The following ITPR2 variants were observed in gnomAD, a reference collection of about 807,000 sequenced individuals.
The protein encoded by ITPR2 is inositol 1,4,5-trisphosphate-gated calcium channel ITPR2.
Under a neutral mutation model 317.1 loss-of-function variants are expected in ITPR2, and 207 were observed. The ratio of observed to expected loss-of-function variants is 0.65; its 90% CI spans 0.58 to 0.73. ITPR2 has a LOEUF of 0.73. Ranked by LOEUF, ITPR2 falls within the 30% of genes least tolerant of loss-of-function variation. The pLI is 0.00. For synonymous variants in ITPR2, 1,156 were observed against 1,149.1 expected (o/e 1.01, Z -0.12); for missense variants, 2,613 against 3,284.0 (o/e 0.80, Z 4.99).
intron 32 of ITPR2, among the ~76,000 whole-genome samples, chr12:26,588,360 A>C (rs776218865): frequency 2.6e-5 from 4 of 152,168 alleles, no homozygotes; most frequent in Non-Finnish European, 5.9e-5. Context: ...TGGCAAATAG[A>C]GTGGAATTGA....
At chr12:26,494,777 A>G (rs1006754933) in intron 38 of ITPR2, among the ~76,000 whole-genome samples, 1 of 149,838 alleles carries the variant, frequency 6.7e-6, no homozygotes, top group Admixed American at 6.6e-5. Flanking sequence ...CTCAGAAAAA[A>G]AAAAAAAAAA....
At chr12:26,517,972 G>A (rs944820731) in intron 37 of ITPR2, among the ~76,000 whole-genome samples, 1 of 152,216 alleles carries the variant, frequency 6.6e-6, no homozygotes. Context: ...AGATTTCTCA[G>A]AGAACTTAAA....
chr12:26,582,901 A>G (rs976119880), intron 32 of ITPR2, among the ~76,000 whole-genome samples: 4 of 152,200 alleles, frequency 2.6e-5, no homozygotes, highest in Admixed American at 6.5e-5. Context: ...ACAGAGTGGA[A>G]GAGAAAGAAG....
intron 54 of ITPR2, 39 bp from the exon 55 acceptor site, chr12:26,387,633 T>C: frequency 6.3e-7 from 1 of 1,585,708 alleles, no homozygotes; most frequent in Non-Finnish European, 8.6e-7. Flanking sequence ...TAATTCGTCA[T>C]TTAATCAGTA....
At chr12:26,775,776 T>C (rs1369051300) in intron 2 of ITPR2, among the ~76,000 whole-genome samples, 1 of 151,676 alleles carries the variant, frequency 6.6e-6, no homozygotes, top group African/African-American at 2.4e-5. Context: ...AGCTTACATC[T>C]TTCTCCTGTG....
chr12:26,483,929 T>C (rs955478624), intron 41 of ITPR2, 31 bp from the exon 42 acceptor site: 1 of 1,575,732 alleles, frequency 6.3e-7, no homozygotes, highest in Non-Finnish European at 8.7e-7. Flanking sequence ...AATTGAAGGG[T>C]TACAAAAATT....
intron 1 of ITPR2, among the ~76,000 whole-genome samples, chr12:26,824,789 A>C (rs916226581): frequency 2.0e-5 from 3 of 152,194 alleles, no homozygotes; most frequent in Non-Finnish European, 2.9e-5. Flanking sequence ...TCTATTTTCC[A>C]TATATATTGT....
intron 37 of ITPR2, among the ~76,000 whole-genome samples, chr12:26,513,748 T>TCA (rs3056894): frequency 0.1 from 14,949 of 149,310 alleles, 900 homozygotes; most frequent in African/African-American, 0.17. Context: ...TTGCCAATTA[T>TCA]CACACACACA....
At chr12:26,446,078 T>A (rs976724695) in intron 45 of ITPR2, among the ~76,000 whole-genome samples, 1 of 152,046 alleles carries the variant, frequency 6.6e-6, no homozygotes. Context: ...GACAAGTTCT[T>A]TTCTGGTTAC....
intron 45 of ITPR2, among the ~76,000 whole-genome samples, chr12:26,456,847 A>C (rs1321731932): frequency 6.6e-6 from 1 of 151,814 alleles, no homozygotes; most frequent in Non-Finnish European, 1.5e-5. Context: ...TAATTTTTGT[A>C]TTTTTTACTA....
intron 26 of ITPR2, among the ~76,000 whole-genome samples, chr12:26,616,763 T>C (rs754929999): frequency 2.6e-5 from 4 of 152,138 alleles, no homozygotes; most frequent in South Asian, 4.1e-4. Flanking sequence ...GCAGGTCCAC[T>C]TATACACAGA....
In ITPR2 at chr12:26,602,465, GCA is replaced by G. The variant is rs758165954; in HGVS notation, c.3581_3582del (p.Val1194AlafsTer3). ...EILIRLSKLC[V>X]QNKKCRNQHQ... The stretch of plus-strand genomic sequence containing the variant: ...TGTTGATTCCGACACTTTTTATTCT[GCA>G]CACAGAGTTTACTTAGCCTGATCAA... On this transcript the variant is annotated frameshift_variant, in exon 28 of 57. Coordinates refer to ENST00000381340, the MANE Select transcript of ITPR2 (RefSeq NM_002223.4). LOFTEE classifies it high-confidence loss of function. 3 of 1,613,270 alleles carry G rather than the reference GCA, an allele frequency of 1.9e-6. No homozygotes were observed. The highest frequency in any genetic ancestry group is 2.5e-6 in the Non-Finnish European group (3 of 1,179,492).
intron 2 of ITPR2, among the ~76,000 whole-genome samples, chr12:26,733,457 A>G (rs1426461987): frequency 2.4e-4 from 37 of 152,208 alleles, no homozygotes; most frequent in Admixed American, 2.2e-3. Flanking sequence ...CAAGATACAT[A>G]TACATATGTG....
At chr12:26,531,641 T>C (rs1376781889) in intron 37 of ITPR2, among the ~76,000 whole-genome samples, 1 of 137,332 alleles carries the variant, frequency 7.3e-6, no homozygotes, top group South Asian at 2.6e-4. Flanking sequence ...CTAAGCTTCA[T>C]GTTTACTGTA....
At chr12:26,623,481 T>C (rs1027491872) in intron 24 of ITPR2, 5 of 152,190 alleles carry the variant, frequency 3.3e-5, no homozygotes, top group Non-Finnish European at 7.3e-5. Context: ...TGTTTTATTA[T>C]TAGTTATGTT....
intron 5 of ITPR2, among the ~76,000 whole-genome samples, chr12:26,716,741 A>G (rs1948745984): frequency 6.6e-6 from 1 of 152,196 alleles, no homozygotes. Context: ...TTCTAATGTC[A>G]GCTCGATTCA....
Position 26,656,467 on chromosome 12 carries a change from T to C in ITPR2, c.2274A>G (p.Val758=). 3.1e-6 allele frequency: 5 copies of C among 1,614,240 alleles called. No homozygotes were observed. The highest frequency in any genetic ancestry group is 4.2e-6 in the Non-Finnish European group (5 of 1,180,040). The change falls in exon 19 of 57, where the codon GTA becomes GTG. Residue 758 remains valine (V), a synonymous_variant. Transcript: ENST00000381340. ...AINQISTQLS[V]DLILRCVSDE... ...CCGACACACACCGCAGGATCAGGTC[T>C]ACAGACAGCTGTGTAGAAATCTGGT...
intron 1 of ITPR2, among the ~76,000 whole-genome samples, chr12:26,797,738 C>G (rs1950477843): frequency 8.1e-6 from 1 of 123,496 alleles, no homozygotes; most frequent in Non-Finnish European, 1.6e-5. Context: ...GTTGCCCAGG[C>G]TGGAGTGCAA....
chr12:26,785,697 G>A (rs1470000487), intron 2 of ITPR2, among the ~76,000 whole-genome samples: 4 of 32,344 alleles, frequency 1.2e-4, no homozygotes, highest in Admixed American at 3.6e-4. Context: ...CGTCCGGGAG[G>A]GAGGTGGGGG....
Sources: allele counts gnomAD v4.1 joint callset (sites outside exome capture counted in the v4.1 genomes callset), GRCh38; gene constraint gnomAD v4.1.1; transcripts MANE v1.5; gene names NCBI Gene and HGNC (gene_info 2026-07-23, HGNC 2026-07-21).